Variants in EVI5 observed in about 807,000 individuals in gnomAD.
EVI5 encodes the protein ecotropic viral integration site 5.
EVI5 carries 73 observed loss-of-function variants against 112.0 expected under a neutral mutation model. The observed-to-expected ratio is 0.65, with a 90% CI of 0.54 to 0.79. The LOEUF (loss-of-function observed/expected upper bound fraction) is 0.79, where lower values mean the gene tolerates loss of function less well. Ranked by LOEUF, EVI5 falls within the 30% of genes least tolerant of loss-of-function variation. The probability of loss-of-function intolerance (pLI) is 0.00; values close to 1 mark genes in which losing one functional copy is unlikely to be tolerated. For missense variants in EVI5, 900 were observed against 968.8 expected, an observed-to-expected ratio of 0.93 and a Z score of 0.94; for synonymous variants, 305 against 319.9, an observed-to-expected ratio of 0.95 and a Z score of 0.50.
intron 18 of EVI5, among the ~76,000 whole-genome samples, chr1:92,566,706 C>T (rs1347626370): frequency 1.3e-5 from 2 of 151,956 alleles, no homozygotes; most frequent in African/African-American, 2.4e-5. Flanking sequence ...AATACTATTG[C>T]CCCTGAAGAT....
At chr1:92,520,366 G>C (rs1660700443) in intron 19 of EVI5, among the ~76,000 whole-genome samples, 1 of 152,138 alleles carries the variant, frequency 6.6e-6, no homozygotes, top group Admixed American at 6.5e-5. Context: ...TTGCTGTTCT[G>C]TTGTGAGTGA....
chr1:92,527,398 G>A (rs1275134712), intron 19 of EVI5, among the ~76,000 whole-genome samples: 4 of 128,912 alleles, frequency 3.1e-5, no homozygotes, highest in Non-Finnish European at 4.7e-5. Context: ...CTGGGTGAAA[G>A]AGTGAGACAC....
chr1:92,689,513 G>T (rs186196864), intron 9 of EVI5, among the ~76,000 whole-genome samples: 1 of 152,072 alleles, frequency 6.6e-6, no homozygotes, highest in Non-Finnish European at 1.5e-5. Flanking sequence ...CAGGTGTGCT[G>T]GCGCCACCAC....
Position 92,649,706 on chromosome 1 carries a change from C to T in EVI5, c.1392+13013G>A, listed in dbSNP as rs536510761. Reference sequence around the variant, plus strand: ...GCATGTGCCTGTAGTCTCAGCTACTCGGGAGGCTGAGGTGAGAGGATCATT... The same window carrying T: ...GCATGTGCCTGTAGTCTCAGCTACTTGGGAGGCTGAGGTGAGAGGATCATT... On this transcript the variant is annotated intron_variant, in intron 13 of 19. Coordinates refer to ENST00000684568, the MANE Select transcript of EVI5 (RefSeq NM_001350197.2). Among the ~76,000 whole-genome samples, 76 of 152,066 alleles carry T rather than the reference C, an allele frequency of 5.0e-4. 4 individuals carry two copies. The South Asian group carries it at 0.014, about 29-fold the overall frequency.
At chr1:92,703,670 G>A (rs369122992) in intron 3 of EVI5, 51 bp from the exon 4 acceptor site, 24 of 1,139,584 alleles carry the variant, frequency 2.1e-5, no homozygotes, top group African/African-American at 1.3e-4. Flanking sequence ...GTCCTATCTT[G>A]CAAGCCAAGG....
intron 11 of EVI5, among the ~76,000 whole-genome samples, chr1:92,665,643 A>G (rs901440205): frequency 3.3e-5 from 5 of 152,214 alleles, no homozygotes; most frequent in African/African-American, 1.2e-4. Flanking sequence ...TGGACTCCCA[A>G]CTAAATTATA....
intron 18 of EVI5, among the ~76,000 whole-genome samples, chr1:92,604,731 G>T (rs1417949307): frequency 6.6e-6 from 1 of 152,198 alleles, no homozygotes; most frequent in Non-Finnish European, 1.5e-5. Context: ...AAGAGTGGCA[G>T]TGCAGTGGGT....
intron 13 of EVI5, among the ~76,000 whole-genome samples, chr1:92,642,451 T>C (rs1660170032): frequency 6.6e-6 from 1 of 152,204 alleles, no homozygotes; most frequent in Non-Finnish European, 1.5e-5. Flanking sequence ...TTTACCAAAT[T>C]ATAAGTGTAA....
At chr1:92,639,562 T>C (rs1470182699) in intron 13 of EVI5, among the ~76,000 whole-genome samples, 1 of 152,162 alleles carries the variant, frequency 6.6e-6, no homozygotes, top group Non-Finnish European at 1.5e-5. Context: ...AAGTATACAT[T>C]AAGCTTTTAA....
intron 14 of EVI5, among the ~76,000 whole-genome samples, chr1:92,627,913 C>A (rs1656037288): frequency 6.6e-6 from 1 of 152,032 alleles, no homozygotes; most frequent in Non-Finnish European, 1.5e-5. Flanking sequence ...CTCAGCCTCC[C>A]GAGTAGCTGG....
chr1:92,634,679 C>T (rs1195434902), intron 14 of EVI5, among the ~76,000 whole-genome samples: 5 of 152,314 alleles, frequency 3.3e-5, no homozygotes, highest in East Asian at 3.9e-4. Context: ...TCTCTCAACT[C>T]GTCAAAGTCA....
At chr1:92,611,580 T>C (rs543495644) in intron 16 of EVI5, among the ~76,000 whole-genome samples, 3 of 149,394 alleles carry the variant, frequency 2.0e-5, no homozygotes, top group East Asian at 2.0e-4. Context: ...CGGGCGCCTG[T>C]ACTCCCAACT....
intron 18 of EVI5, among the ~76,000 whole-genome samples, chr1:92,568,611 T>C (rs1370347388): frequency 6.6e-6 from 1 of 152,088 alleles, no homozygotes; most frequent in African/African-American, 2.4e-5. Context: ...GAAAATACAG[T>C]TGACCCATAA....
chr1:92,556,149 C>T (rs192958413), intron 19 of EVI5, among the ~76,000 whole-genome samples: 4 of 151,186 alleles, frequency 2.6e-5, no homozygotes, highest in African/African-American at 4.9e-5. Context: ...CTGCAACCTC[C>T]GCCTCCTGGG....
At chr1:92,639,735 A>G (rs1257145369) in intron 13 of EVI5, among the ~76,000 whole-genome samples, 5 of 152,188 alleles carry the variant, frequency 3.3e-5, no homozygotes, top group African/African-American at 1.2e-4. Flanking sequence ...TCAAACTACC[A>G]TTGACATTCT....
intron 5 of EVI5, among the ~76,000 whole-genome samples, chr1:92,698,312 T>C (rs903875217): frequency 5.3e-5 from 8 of 152,164 alleles, no homozygotes; most frequent in Admixed American, 5.2e-4. Flanking sequence ...CAATCTCTAT[T>C]CTCAAGGAAC....
intron 13 of EVI5, among the ~76,000 whole-genome samples, chr1:92,637,438 G>A (rs1475757188): frequency 1.3e-5 from 2 of 151,170 alleles, no homozygotes; most frequent in African/African-American, 4.9e-5. Flanking sequence ...AGAAGACGCA[G>A]ATGCTGCACA....
At chr1:92,703,067 G>C (rs1671447566) in intron 4 of EVI5, among the ~76,000 whole-genome samples, 1 of 152,130 alleles carries the variant, frequency 6.6e-6, no homozygotes, top group African/African-American at 2.4e-5. Flanking sequence ...TAGGAACACA[G>C]ATATGATAGG....
chr1:92,602,057 C>A (rs946138057), intron 18 of EVI5, among the ~76,000 whole-genome samples: 1 of 152,020 alleles, frequency 6.6e-6, no homozygotes, highest in South Asian at 2.1e-4. Context: ...GGGACTACTA[C>A]CAGCAGAACA....
Sources: gnomAD v4.1 joint callset for allele counts (sites outside exome capture counted in the v4.1 genomes callset) on GRCh38, gnomAD v4.1.1 for gene constraint, MANE v1.5 for transcripts, NCBI Gene and HGNC (gene_info 2026-07-23, HGNC 2026-07-21) for gene names.